The following GABRG1 variants were observed in gnomAD, a reference collection of about 807,000 sequenced individuals.
GABRG1 encodes the protein gamma-aminobutyric acid receptor subunit gamma-1.
Under a neutral mutation model 49.8 loss-of-function variants are expected in GABRG1, and 49 were observed. The ratio of observed to expected loss-of-function variants is 0.98; its 90% CI spans 0.78 to 1.25. The LOEUF is 1.25. Ranked by LOEUF, GABRG1 falls within the 50% of genes most tolerant of loss-of-function variation. GABRG1 has a pLI of 0.00. For synonymous variants in GABRG1, 232 were observed against 185.1 expected, an observed-to-expected ratio of 1.25 and a Z score of -2.06; for missense variants, 552 against 552.3, an observed-to-expected ratio of 1.00 and a Z score of 0.01.
At chr4:46,072,175 C>T (rs1244410362) in intron 3 of GABRG1, among the ~76,000 whole-genome samples, 2 of 152,014 alleles carry the variant, frequency 1.3e-5, no homozygotes, top group African/African-American at 2.4e-5. Context: ...TAATAATATT[C>T]TTTACAGGTT....
At chr4:46,095,927 T>C (rs1201431856) in intron 2 of GABRG1, among the ~76,000 whole-genome samples, 1 of 151,818 alleles carries the variant, frequency 6.6e-6, no homozygotes, top group Non-Finnish European at 1.5e-5. Flanking sequence ...CACCCAGATA[T>C]GAAGCCCATT....
intron 8 of GABRG1, among the ~76,000 whole-genome samples, chr4:46,047,131 G>C (rs1394663304): frequency 6.6e-6 from 1 of 152,048 alleles, no homozygotes; most frequent in Non-Finnish European, 1.5e-5. Flanking sequence ...TTGAGCACTT[G>C]AAATGCGACT....
intron 2 of GABRG1, among the ~76,000 whole-genome samples, chr4:46,094,851 A>G (rs1000485106): frequency 6.6e-6 from 1 of 152,118 alleles, no homozygotes; most frequent in Non-Finnish European, 1.5e-5. Flanking sequence ...ACAAAATTAA[A>G]AGGACAAAAT....
At chr4:46,056,164 A>AAAAAATAAAT (rs1718435008) in intron 7 of GABRG1, among the ~76,000 whole-genome samples, 1 of 33,380 alleles carries the variant, frequency 3.0e-5, no homozygotes, top group African/African-American at 2.9e-4. Context: ...AAAAAAAAAA[A>AAAAAATAAAT]AAAAAAAAAA....
intron 7 of GABRG1, among the ~76,000 whole-genome samples, chr4:46,056,958 A>G (rs898691910): frequency 6.6e-6 from 1 of 152,146 alleles, no homozygotes; most frequent in Non-Finnish European, 1.5e-5. Context: ...CTAGCATAGA[A>G]CTTTATACAA....
At chr4:46,069,857 A>C (rs923396347) in intron 3 of GABRG1, among the ~76,000 whole-genome samples, 1 of 152,094 alleles carries the variant, frequency 6.6e-6, no homozygotes, top group East Asian at 1.9e-4. Flanking sequence ...AAATAGAAAT[A>C]GTAGAGATTA....
At position 46,052,961 on chromosome 4, in the gene GABRG1, T is replaced by C. The variant is rs534638416; in HGVS notation, c.917-1323A>G. Among the ~76,000 whole-genome samples, 16 of 151,980 alleles carry C rather than the reference T, an allele frequency of 1.1e-4. No individual in the cohort carries two copies. The South Asian group carries it at 3.3e-3, about 31-fold the overall frequency. On this transcript the variant is annotated intron_variant, in intron 7 of 8. Coordinates refer to ENST00000295452, the MANE Select transcript of GABRG1 (RefSeq NM_173536.4). Reference sequence around the variant, plus strand: ...AATATTAAAGGTGAAACAGTTGTGATGAATTTGGAATTATGATACAAATTT... The same window carrying C: ...AATATTAAAGGTGAAACAGTTGTGACGAATTTGGAATTATGATACAAATTT...
At chr4:46,106,145 G>A (rs1720539916) in intron 1 of GABRG1, among the ~76,000 whole-genome samples, 1 of 151,444 alleles carries the variant, frequency 6.6e-6, no homozygotes, top group Non-Finnish European at 1.5e-5. Context: ...TTAGAATAGG[G>A]TAGACACCTG....
chr4:46,098,147 T>C (rs1453214362), intron 1 of GABRG1, among the ~76,000 whole-genome samples: 59 of 151,726 alleles, frequency 3.9e-4, no homozygotes, highest in Non-Finnish European at 1.3e-4. Flanking sequence ...TCTCCAACTA[T>C]TGCTTTCTGA....
chr4:46,115,685 C>T (rs1308723907), intron 1 of GABRG1, among the ~76,000 whole-genome samples: 5 of 150,418 alleles, frequency 3.3e-5, no homozygotes, highest in African/African-American at 7.3e-5. Context: ...ATATGGTTTC[C>T]TTGGTAGGAT....
intron 5 of GABRG1, among the ~76,000 whole-genome samples, 166 bp downstream of exon 5, chr4:46,064,275 G>T (rs1718822454): frequency 6.6e-6 from 1 of 151,886 alleles, no homozygotes; most frequent in African/African-American, 2.4e-5. Context: ...TAAACTTTTA[G>T]TTTAAAAGCA....
intron 3 of GABRG1, among the ~76,000 whole-genome samples, chr4:46,080,203 C>A (rs990782640): frequency 2.0e-4 from 31 of 151,668 alleles, no homozygotes; most frequent in African/African-American, 7.5e-4. Context: ...TTAAAAAAAA[C>A]TAATATATTA....
intron 5 of GABRG1, among the ~76,000 whole-genome samples, chr4:46,059,735 C>T (rs1718600296): frequency 6.6e-6 from 1 of 151,966 alleles, no homozygotes; most frequent in Non-Finnish European, 1.5e-5. Flanking sequence ...TCTTATCAGC[C>T]AGAGTGTGAA....
chr4:46,063,306 G>T (rs200613208), intron 5 of GABRG1, among the ~76,000 whole-genome samples: 58,972 of 150,810 alleles, frequency 0.39, 11,509 homozygotes, highest in Non-Finnish European at 0.41. Flanking sequence ...GCATGGTACT[G>T]GTACCAAAAC....
At chr4:46,079,094 G>C (rs1719467814) in intron 3 of GABRG1, among the ~76,000 whole-genome samples, 1 of 148,560 alleles carries the variant, frequency 6.7e-6, no homozygotes, top group African/African-American at 2.5e-5. Flanking sequence ...TCCTTTTGTA[G>C]AAAGCAATTC....
chr4:46,087,383 G>A (rs1369400162), intron 2 of GABRG1, among the ~76,000 whole-genome samples: 2 of 151,044 alleles, frequency 1.3e-5, no homozygotes, highest in African/African-American at 4.9e-5. Flanking sequence ...GCTTATATAA[G>A]GTTGAAATAA....
Position 46,041,239 on chromosome 4 carries a change from G to GGA in GABRG1, c.1145_1146dup (p.His383SerfsTer7). 6.2e-7 allele frequency: 1 copy of GGA among 1,612,290 alleles called. No homozygotes were observed. Among genetic ancestry groups the GGA allele is most frequent in the South Asian group, 1.1e-5 (1 of 91,024 alleles). On this transcript the variant is annotated frameshift_variant, in exon 9 of 9. Coordinates refer to ENST00000295452, the MANE Select transcript of GABRG1 (RefSeq NM_173536.4). LOFTEE classifies it high-confidence loss of function. ...ATTGGAATCAGAGTGGATCCAGGAT[G>GGA]GAGACCAGGAGTCATCTGAGCACAA...
chr4:46,100,451 T>C (rs1349909571), intron 1 of GABRG1, among the ~76,000 whole-genome samples: 1 of 143,046 alleles, frequency 7.0e-6, no homozygotes, highest in Non-Finnish European at 1.5e-5. Flanking sequence ...AACCTTTACA[T>C]GTACCCCTGA....
Position 46,097,293 on chromosome 4 carries a change from AC to A in GABRG1, c.160del (p.Val54SerfsTer15). 5.0e-6 allele frequency: 8 copies of A among 1,611,180 alleles called. No homozygotes were observed. Among genetic ancestry groups the A allele is most frequent in the Non-Finnish European group, 6.8e-6 (8 of 1,178,162 alleles). The part of the protein sequence containing the change: ...DEDLTVNKTW[V>X]LAPKIHEGDI... ...TCCTTCATGAATTTTTGGGGCCAAGACCCAGGTTTTGTTCACCGTTAAATCC... is the reference window on the plus strand; with the variant it reads ...TCCTTCATGAATTTTTGGGGCCAAGACCAGGTTTTGTTCACCGTTAAATCC... On this transcript the variant is annotated frameshift_variant, in exon 2 of 9. Coordinates refer to ENST00000295452, the MANE Select transcript of GABRG1 (RefSeq NM_173536.4). LOFTEE classifies it high-confidence loss of function.
Sources: allele counts gnomAD v4.1 joint callset (sites outside exome capture counted in the v4.1 genomes callset), GRCh38; gene constraint gnomAD v4.1.1; transcripts MANE v1.5; gene names NCBI Gene and HGNC (gene_info 2026-07-23, HGNC 2026-07-21).